The following PTK2 variants were observed in gnomAD, a reference collection of about 807,000 sequenced individuals.
The protein encoded by PTK2 is protein tyrosine kinase 2, also known as focal adhesion kinase 1.
Under a neutral mutation model 150.1 loss-of-function variants are expected in PTK2, and 45 were observed. The observed-to-expected ratio is 0.30, with a 90% CI of 0.24 to 0.38. The LOEUF (loss-of-function observed/expected upper bound fraction) is 0.38. PTK2 is among the 10% of genes least tolerant of loss of function. The pLI is 1.00. For synonymous variants in PTK2, 432 were observed against 449.2 expected, an observed-to-expected ratio of 0.96 and a Z score of 0.48; for missense variants, 919 against 1,307.3, an observed-to-expected ratio of 0.70 and a Z score of 4.58.
rs561016907 is a variant in PTK2 at position 140,888,112 on chromosome 8, T to C, written c.195+2431A>G. The stretch of plus-strand genomic sequence containing the variant: ...TAATCCTTAAATCTAAATCCTACAA[T>C]CCCCACTTCCTGTTCTAAGGTCATC... On this transcript the variant is annotated intron_variant, in intron 3 of 31. Transcript: ENST00000522684. Among the ~76,000 whole-genome samples the C allele has an allele frequency of 4.6e-5, 7 of 152,280 alleles. No homozygotes were observed. In the South Asian group the frequency reaches 1.5e-3, roughly 32 times the overall value.
chr8:140,749,133 G>C (rs2100061250), intron 17 of PTK2, among the ~76,000 whole-genome samples: 1 of 152,124 alleles, frequency 6.6e-6, no homozygotes, highest in Non-Finnish European at 1.5e-5. Flanking sequence ...CATATTCCAA[G>C]AACAGGACCT....
intron 8 of PTK2, among the ~76,000 whole-genome samples, chr8:140,825,374 C>G (rs527934236): frequency 6.6e-6 from 1 of 152,300 alleles, no homozygotes; most frequent in South Asian, 2.1e-4. Flanking sequence ...GTCATCTGCT[C>G]ATCCTAGAAA....
chr8:140,696,328 C>G (rs375838110), intron 26 of PTK2, among the ~76,000 whole-genome samples: 32 of 152,164 alleles, frequency 2.1e-4, no homozygotes, highest in African/African-American at 7.2e-4. Context: ...AAGGAACTTA[C>G]GTTTTATTAG....
At chr8:140,971,294 A>C (rs528468452) in intron 1 of PTK2, among the ~76,000 whole-genome samples, 1 of 152,386 alleles carries the variant, frequency 6.6e-6, no homozygotes, top group South Asian at 2.1e-4. Flanking sequence ...TTCATCAGCA[A>C]GTACTATGTA....
chr8:140,837,518 C>T lies in PTK2; in HGVS notation c.594-6992G>A, dbSNP rs555519295. On this transcript the variant is annotated intron_variant, in intron 7 of 31. Transcript: ENST00000522684. ...CCAACGCGGGTGGATCACTTGAGGTCAGGCATTCAAGACCAGCCTGGCCAA... is the reference window on the plus strand; with the variant it reads ...CCAACGCGGGTGGATCACTTGAGGTTAGGCATTCAAGACCAGCCTGGCCAA... 2.0e-4 allele frequency among the ~76,000 whole-genome samples: 30 copies of T among 152,164 alleles called. No individual in the cohort carries two copies. The South Asian group carries it at 5.2e-3, about 26-fold the overall frequency.
chr8:140,787,810 T>A (rs918483254), intron 14 of PTK2, among the ~76,000 whole-genome samples: 6 of 152,164 alleles, frequency 3.9e-5, no homozygotes, highest in Non-Finnish European at 5.9e-5. Flanking sequence ...CCGGGGCTCA[T>A]CCCAAAAGCT....
chr8:140,758,797 A>G (rs2100067442), intron 16 of PTK2, among the ~76,000 whole-genome samples: 1 of 152,246 alleles, frequency 6.6e-6, no homozygotes, highest in South Asian at 2.1e-4. Context: ...TAGTGTAGTC[A>G]TAATCCAGGC....
At chr8:140,826,479 G>A (rs1316262402) in intron 8 of PTK2, among the ~76,000 whole-genome samples, 1 of 152,098 alleles carries the variant, frequency 6.6e-6, no homozygotes. Context: ...TATTAAAAAG[G>A]GCATGTGAGA....
chr8:140,821,690 CAA>C (rs1338037443), intron 8 of PTK2: 1 of 152,304 alleles, frequency 6.6e-6, no homozygotes, highest in South Asian at 2.1e-4. Context: ...AAAATGAAGA[CAA>C]AAGAGAAGGC....
At chr8:140,919,366 T>G (rs1413956342) in intron 2 of PTK2, among the ~76,000 whole-genome samples, 4 of 152,210 alleles carry the variant, frequency 2.6e-5, no homozygotes, top group Non-Finnish European at 5.9e-5. Flanking sequence ...ATCAATCACT[T>G]TGGGGTGAGC....
intron 2 of PTK2, among the ~76,000 whole-genome samples, chr8:140,902,498 T>C (rs1349919775): frequency 6.6e-6 from 1 of 152,216 alleles, no homozygotes; most frequent in African/African-American, 2.4e-5. Context: ...CTGGGTCAAA[T>C]GGTATTTCTG....
At chr8:140,956,055 C>T (rs1292014077) in intron 1 of PTK2, among the ~76,000 whole-genome samples, 3 of 152,200 alleles carry the variant, frequency 2.0e-5, no homozygotes, top group Non-Finnish European at 2.9e-5. Flanking sequence ...TCCTCCACTA[C>T]GCCCTATGCA....
Position 140,917,472 on chromosome 8 carries a change from CTATGTTAAACCCTGGATAAATACT to C in PTK2, c.-33+8165_-33+8188del, listed in dbSNP as rs552163024. Among the ~76,000 whole-genome samples the C allele has an allele frequency of 3.3e-5, 5 of 152,140 alleles. No homozygotes were observed. In the South Asian group the frequency reaches 1.0e-3, roughly 32 times the overall value. ...TTAGCCACCCACTATGGGCAGAGTGCTATGTTAAACCCTGGATAAATACTTTTACTCTAAGAGAAAAAAGAAAAC... is the reference window on the plus strand; with the variant it reads ...TTAGCCACCCACTATGGGCAGAGTGCTTTACTCTAAGAGAAAAAAGAAAAC... On this transcript the variant is annotated intron_variant, in intron 2 of 31. Coordinates refer to ENST00000522684, the Ensembl canonical transcript of PTK2.
At chr8:140,755,204 G>A (rs2100064911) in intron 16 of PTK2, among the ~76,000 whole-genome samples, 1 of 152,156 alleles carries the variant, frequency 6.6e-6, no homozygotes, top group Admixed American at 6.5e-5. Context: ...ATGTGCCAGT[G>A]ATCAGCAGGT....
chr8:140,797,351 T>C (rs775856521), intron 12 of PTK2, among the ~76,000 whole-genome samples: 31 of 152,182 alleles, frequency 2.0e-4, no homozygotes, highest in Non-Finnish European at 4.4e-4. Context: ...ATATGTGTCA[T>C]AATATTTTCC....
At chr8:140,957,888 A>G (rs2100181731) in intron 1 of PTK2, among the ~76,000 whole-genome samples, 1 of 152,210 alleles carries the variant, frequency 6.6e-6, no homozygotes, top group South Asian at 2.1e-4. Context: ...CAATGAAATC[A>G]CCTAATGCAT....
rs1468394273 is a variant in PTK2, at chr8:140,758,769, A to G, written c.1332+2396T>C. 2.0e-5 allele frequency among the ~76,000 whole-genome samples: 3 copies of G among 152,386 alleles called. No homozygotes were observed. The East Asian group carries it at 5.8e-4, about 29-fold the overall frequency. On this transcript the variant is annotated intron_variant, in intron 16 of 31. Coordinates refer to ENST00000522684, the Ensembl canonical transcript of PTK2. Reference sequence around the variant, plus strand: ...TAAATTTAACGTAGCCAAAGCGTACAGTGTTTATAGCCTATAGTAGTGTAG... The same window carrying G: ...TAAATTTAACGTAGCCAAAGCGTACGGTGTTTATAGCCTATAGTAGTGTAG...
intron 21 of PTK2, among the ~76,000 whole-genome samples, chr8:140,736,034 C>T (rs1241089998): frequency 5.3e-5 from 8 of 152,242 alleles, no homozygotes. Context: ...GTCGTCTTGT[C>T]TATAAATGCC....
intron 6 of PTK2, 132 bp downstream of exon 6, chr8:140,846,467 T>G: frequency 8.7e-7 from 1 of 1,155,484 alleles, no homozygotes; most frequent in Non-Finnish European, 1.3e-6. Flanking sequence ...AACCAATAGT[T>G]CATAATTTAC....
Sources: allele counts gnomAD v4.1 joint callset (sites outside exome capture counted in the v4.1 genomes callset), GRCh38; gene constraint gnomAD v4.1.1; transcripts MANE v1.5; gene names NCBI Gene and HGNC (gene_info 2026-07-23, HGNC 2026-07-21).